BTBD1: variants seen among roughly 807,000 people sequenced by gnomAD.
BTBD1 encodes the protein BTB/POZ domain-containing protein 1.
In BTBD1, 34 loss-of-function variants were observed where a neutral mutation model predicts 48.0. The ratio of observed to expected loss-of-function variants is 0.71; its 90% CI spans 0.54 to 0.94. BTBD1 has a LOEUF of 0.94. Among genes scored for constraint, BTBD1 ranks in the 40% least tolerant of loss-of-function variants. The probability of loss-of-function intolerance (pLI) is 0.00; values close to 1 mark genes in which losing one functional copy is unlikely to be tolerated. For missense variants in BTBD1, 543 were observed against 625.6 expected, an observed-to-expected ratio of 0.87 and a Z score of 1.41; for synonymous variants, 261 against 242.1, an observed-to-expected ratio of 1.08 and a Z score of -0.72.
At chr15:83,047,234 G>A (rs894106965) in intron 3 of BTBD1, among the ~76,000 whole-genome samples, 4 of 152,176 alleles carry the variant, frequency 2.6e-5, no homozygotes, top group African/African-American at 9.7e-5. Flanking sequence ...ATAAATCAGA[G>A]CAAGAGTAAT....
intron 2 of BTBD1, among the ~76,000 whole-genome samples, chr15:83,055,996 G>A (rs1458238944): frequency 1.3e-5 from 2 of 150,702 alleles, no homozygotes; most frequent in African/African-American, 5.0e-5. Context: ...TGTCTGCCCC[G>A]CCACCCCAAT....
intron 6 of BTBD1, chr15:83,020,243 C>A (rs530065109): frequency 1.3e-5 from 2 of 154,830 alleles, no homozygotes; most frequent in Admixed American, 6.5e-5. Context: ...TGCTCTTCAG[C>A]CTGGGCGACC....
intron 4 of BTBD1, among the ~76,000 whole-genome samples, chr15:83,036,425 G>A (rs1297341516): frequency 6.6e-6 from 1 of 152,216 alleles, no homozygotes; most frequent in Non-Finnish European, 1.5e-5. Flanking sequence ...AAGTATTGGA[G>A]AGGATGTGGG....
At chr15:83,042,436 T>A (rs540975036) in intron 3 of BTBD1, among the ~76,000 whole-genome samples, 2 of 148,362 alleles carry the variant, frequency 1.3e-5, no homozygotes, top group African/African-American at 5.0e-5. Context: ...CAGGCTGGAG[T>A]GCAGAGGCAC....
chr15:83,037,976 C>T (rs886405509), intron 4 of BTBD1, among the ~76,000 whole-genome samples: 1 of 152,022 alleles, frequency 6.6e-6, no homozygotes, highest in East Asian at 1.9e-4. Flanking sequence ...CCCAGCTACT[C>T]GGGAGGCTGA....
At position 83,030,192 on chromosome 15, in the gene BTBD1, A is replaced by G. The variant is rs1228079234; in HGVS notation, c.999T>C (p.Asn333=). 6.2e-7 allele frequency: 1 copy of G among 1,613,874 alleles called. No individual in the cohort carries two copies. Among genetic ancestry groups the G allele is most frequent in the Non-Finnish European group, 8.5e-7 (1 of 1,180,014 alleles). The change falls in exon 5 of 8, where the codon AAT becomes AAC. Residue 333 remains asparagine (N), a synonymous_variant. Transcript: ENST00000261721. ...AGCGGCTTTCTACTTGCTGGAATCT[A>G]TTGATGCAGCATTCCTTTCCCCTGA... ...CCLRGKECCI[N]RFQQVESRWG...
chr15:83,041,624 T>C (rs2032761356), intron 4 of BTBD1, 104 bp downstream of exon 4: 2 of 991,060 alleles, frequency 2.0e-6, no homozygotes, highest in East Asian at 4.8e-5. Context: ...CCACCTGCCT[T>C]GGCCTCTCGA....
At chr15:83,057,061 G>C (rs1039068169) in intron 1 of BTBD1, among the ~76,000 whole-genome samples, 1 of 152,128 alleles carries the variant, frequency 6.6e-6, no homozygotes, top group Non-Finnish European at 1.5e-5. Context: ...CCAAAGAGAG[G>C]GGAATGAATA....
At chr15:83,022,236 T>TTA (rs1567101585) in intron 5 of BTBD1, 2 of 151,218 alleles carry the variant, frequency 1.3e-5, no homozygotes, top group African/African-American at 2.4e-5. Flanking sequence ...TTTTTTTTTT[T>TTA]ACAGATGGAG....
intron 4 of BTBD1, among the ~76,000 whole-genome samples, chr15:83,041,030 T>C (rs2032745009): frequency 6.6e-6 from 1 of 151,862 alleles, no homozygotes. Context: ...TGTGCACCTA[T>C]AGTCCCTGCT....
intron 5 of BTBD1, among the ~76,000 whole-genome samples, chr15:83,028,410 C>T (rs1455210604): frequency 6.6e-6 from 1 of 152,150 alleles, no homozygotes; most frequent in East Asian, 1.9e-4. Flanking sequence ...TTTGGTCATA[C>T]AGTGTTATTC....
At chr15:83,024,217 C>T (rs2032360071) in intron 5 of BTBD1, 1 of 152,178 alleles carries the variant, frequency 6.6e-6, no homozygotes, top group Non-Finnish European at 1.5e-5. Context: ...CATATGCTTA[C>T]TGCCCACTGG....
intron 6 of BTBD1, 153 bp downstream of exon 6, chr15:83,020,522 C>CT (rs2032273641): frequency 1.8e-6 from 1 of 563,200 alleles, no homozygotes; most frequent in South Asian, 2.8e-5. Context: ...TAGATCAACT[C>CT]TAAAACAGAA....
intron 4 of BTBD1, among the ~76,000 whole-genome samples, chr15:83,035,832 G>A (rs1395854305): frequency 6.6e-6 from 1 of 151,170 alleles, no homozygotes; most frequent in Non-Finnish European, 1.5e-5. Flanking sequence ...AACACTGGGG[G>A]AAAAAAAGGA....
chr15:83,036,758 C>G (rs1029656990), intron 4 of BTBD1, among the ~76,000 whole-genome samples: 3 of 152,098 alleles, frequency 2.0e-5, no homozygotes, highest in African/African-American at 7.2e-5. Flanking sequence ...CCACACTCAA[C>G]CACATGGATG....
intron 2 of BTBD1, among the ~76,000 whole-genome samples, chr15:83,051,295 G>A (rs943164604): frequency 1.3e-5 from 2 of 151,912 alleles, no homozygotes; most frequent in Non-Finnish European, 2.9e-5. Flanking sequence ...TAATTATTTG[G>A]CATGATGATG....
At chr15:83,035,033 C>G (rs1185535376) in intron 4 of BTBD1, among the ~76,000 whole-genome samples, 2 of 152,182 alleles carry the variant, frequency 1.3e-5, no homozygotes, top group African/African-American at 4.8e-5. Context: ...GTGGCTCATG[C>G]CTGTAATCCT....
intron 3 of BTBD1, among the ~76,000 whole-genome samples, chr15:83,047,251 G>A (rs998644550): frequency 6.6e-6 from 1 of 152,210 alleles, no homozygotes; most frequent in African/African-American, 2.4e-5. Context: ...TAATGGAACA[G>A]GGATTGCTTA....
intron 4 of BTBD1, among the ~76,000 whole-genome samples, chr15:83,032,707 T>C (rs1462348692): frequency 6.6e-6 from 1 of 152,108 alleles, no homozygotes; most frequent in Non-Finnish European, 1.5e-5. Context: ...AAGAATGATA[T>C]AATGAACTTT....
Sources: gnomAD v4.1 joint callset for allele counts (sites outside exome capture counted in the v4.1 genomes callset) on GRCh38, gnomAD v4.1.1 for gene constraint, MANE v1.5 for transcripts, NCBI Gene and HGNC (gene_info 2026-07-23, HGNC 2026-07-21) for gene names.